The following MCRIP1 variants were observed in gnomAD, a reference collection of about 807,000 sequenced individuals.
The protein encoded by MCRIP1 is mapk-regulated corepressor-interacting protein 1.
Under a neutral mutation model 14.4 loss-of-function variants are expected in MCRIP1, and 10 were observed. The ratio of observed to expected loss-of-function variants is 0.70; its 90% CI spans 0.43 to 1.18. The LOEUF (loss-of-function observed/expected upper bound fraction) is 1.18. Among genes scored for constraint, MCRIP1 ranks in the 50% most tolerant of loss-of-function variants. The pLI is 0.00. For missense variants in MCRIP1, 119 were observed against 135.4 expected (o/e 0.88, Z 0.60); for synonymous variants, 53 against 55.7 (o/e 0.95, Z 0.21).
chr17:81,832,470 A>G (rs1598256977), intron 1 of MCRIP1, among the ~76,000 whole-genome samples: 1 of 150,262 alleles, frequency 6.7e-6, no homozygotes, highest in East Asian at 2.0e-4. Context: ...CCCACTTCCC[A>G]CCCTCTCTAC....
chr17:81,823,129 G>A lies in MCRIP1; in HGVS notation c.*118C>T, dbSNP rs915856044. ...CTCAGCCGTCAGTCACGCCAGTGCTGGGATCTGCAGCCCGCTGGAGCAAGG... is the reference window on the plus strand; with the variant it reads ...CTCAGCCGTCAGTCACGCCAGTGCTAGGATCTGCAGCCCGCTGGAGCAAGG... On this transcript the variant is annotated 3_prime_UTR_variant, in exon 5 of 5. Transcript: ENST00000455127. The surrounding 1 kb of genome is among the most constrained non-coding windows in gnomAD (Gnocchi z 6.0). 6 of 957,180 alleles carry A rather than the reference G, an allele frequency of 6.3e-6. No homozygotes were observed. Among genetic ancestry groups the A allele is most frequent in the South Asian group, 1.4e-5 (1 of 70,416 alleles). The allele number at this position is 957,180 out of a possible 1,614,324, so 59.3% of individuals were successfully genotyped here.
chr17:81,833,057 A>T (rs888757028), intron 1 of MCRIP1, among the ~76,000 whole-genome samples, 181 bp downstream of exon 1: 1 of 150,242 alleles, frequency 6.7e-6, no homozygotes, highest in African/African-American at 2.4e-5. Context: ...GCCCTCCTGC[A>T]GGTGCCGGGC....
chr17:81,829,498 C>T (rs1456355668), intron 1 of MCRIP1, among the ~76,000 whole-genome samples: 2 of 152,274 alleles, frequency 1.3e-5, no homozygotes, highest in African/African-American at 2.4e-5. Context: ...CTACACCACA[C>T]CCCACTGCCT....
At chr17:81,826,837 A>T (rs911745387) in intron 1 of MCRIP1, among the ~76,000 whole-genome samples, 2 of 137,622 alleles carry the variant, frequency 1.5e-5, no homozygotes, top group Admixed American at 7.2e-5. Flanking sequence ...AAAAAAAAAA[A>T]GGCCAGGCGT....
At chr17:81,824,716 A>G (rs1598249172) in intron 1 of MCRIP1, 162 bp from the exon 2 acceptor site, 1 of 1,450,018 alleles carries the variant, frequency 6.9e-7, no homozygotes, top group Non-Finnish European at 9.1e-7. Flanking sequence ...GTCCAGCCAC[A>G]GGCAGCCAGT....
chr17:81,830,594 G>A (rs981366412), intron 1 of MCRIP1, among the ~76,000 whole-genome samples: 1 of 152,064 alleles, frequency 6.6e-6, no homozygotes, highest in Non-Finnish European at 1.5e-5. Flanking sequence ...CCAAGATCAC[G>A]CCATTGCACT....
At chr17:81,831,173 C>CAAAAAAAAAAAA (rs552681742) in intron 1 of MCRIP1, among the ~76,000 whole-genome samples, 5 of 114,038 alleles carry the variant, frequency 4.4e-5, no homozygotes, top group African/African-American at 1.4e-4. Context: ...CTCTGTCTCT[C>CAAAAAAAAAAAA]AAAAAAAAAA....
chr17:81,823,519 G>A lies in MCRIP1; in HGVS notation c.128-6C>T, dbSNP rs1209636096. 1.4e-5 allele frequency: 21 copies of A among 1,535,660 alleles called. No homozygotes were observed. Among genetic ancestry groups the A allele is most frequent in the Non-Finnish European group, 1.7e-5 (20 of 1,146,600 alleles). On this transcript the variant is annotated splice_region_variant and splice_polypyrimidine_tract_variant and intron_variant, in intron 3 of 4. Transcript: ENST00000455127. The surrounding 1 kb of genome is among the most constrained non-coding windows in gnomAD (Gnocchi z 6.0). ...TCGCTCCACACCCTGCCAGGCTGCA[G>A]AGGCAGAGAGTGGTGTGCTCAGGGC... is the stretch of plus-strand genomic sequence containing the variant.
intron 1 of MCRIP1, chr17:81,826,393 A>C: frequency 6.5e-7 from 1 of 1,535,262 alleles, no homozygotes; most frequent in Middle Eastern, 1.7e-4. Context: ...GTGTGGCAGC[A>C]TGCACTTGTA....
At chr17:81,825,724 G>T in intron 1 of MCRIP1, 1 of 1,289,306 alleles carries the variant, frequency 7.8e-7, no homozygotes, top group Non-Finnish European at 1.0e-6. Flanking sequence ...CCAGGAGTGA[G>T]GTCCAAAAAG....
At chr17:81,830,363 G>A (rs532960511) in intron 1 of MCRIP1, among the ~76,000 whole-genome samples, 3 of 152,256 alleles carry the variant, frequency 2.0e-5, no homozygotes, top group African/African-American at 2.4e-5. Context: ...GGGGCCAGGC[G>A]TGGTGGCTCA....
intron 1 of MCRIP1, chr17:81,825,626 C>T (rs546633980): frequency 3.5e-5 from 45 of 1,289,384 alleles, no homozygotes; most frequent in South Asian, 3.1e-4. Context: ...TCAAACACCA[C>T]GTGATAAGAA....
chr17:81,825,392 C>A (rs890063698), intron 1 of MCRIP1: 3 of 1,186,280 alleles, frequency 2.5e-6, no homozygotes, highest in Non-Finnish European at 3.2e-6. Context: ...CAGGGCTGGT[C>A]TCCAGCCTGC....
chr17:81,829,913 C>T (rs1301424377), intron 1 of MCRIP1, among the ~76,000 whole-genome samples: 2 of 152,228 alleles, frequency 1.3e-5, no homozygotes, highest in Non-Finnish European at 2.9e-5. Context: ...TCACCCAGGC[C>T]CTCTGCTGCC....
chr17:81,825,123 T>C (rs2038362598), intron 1 of MCRIP1: 1 of 1,018,984 alleles, frequency 9.8e-7, no homozygotes, highest in South Asian at 3.8e-5. Flanking sequence ...CCCTAGAGCA[T>C]GAGCCACATC....
chr17:81,826,247 A>ACG, intron 1 of MCRIP1: 1 of 1,521,080 alleles, frequency 6.6e-7, no homozygotes, highest in South Asian at 1.2e-5. Context: ...ACACACACAC[A>ACG]CCTGCCCACA....
At chr17:81,826,773 G>C (rs185155836) in intron 1 of MCRIP1, 8 of 169,548 alleles carry the variant, frequency 4.7e-5, no homozygotes, top group Admixed American at 4.2e-4. Context: ...AGCCAAGATC[G>C]CGCCAACGCA....
intron 1 of MCRIP1, 133 bp downstream of exon 1, chr17:81,833,105 G>C (rs1598257500): frequency 2.0e-5 from 3 of 147,796 alleles, no homozygotes; most frequent in East Asian, 3.9e-4. Context: ...CCGGCTGCCC[G>C]GCCACTCCCC....
Position 81,827,947 on chromosome 17 carries a change from A to T in MCRIP1, c.-48-3393T>A, listed in dbSNP as rs150115491. On this transcript the variant is annotated intron_variant, in intron 1 of 4. Coordinates refer to ENST00000455127, the MANE Select transcript of MCRIP1 (RefSeq NM_207368.5). ...AGGCGCCCGCCACCACGCCCAGCTAATTTTTTCTATTTTTAGTGGAGATGG... is the reference window on the plus strand; with the variant it reads ...AGGCGCCCGCCACCACGCCCAGCTATTTTTTTCTATTTTTAGTGGAGATGG... Among the ~76,000 whole-genome samples, 101 of 151,164 alleles carry T rather than the reference A, an allele frequency of 6.7e-4. 2 individuals carry two copies. The East Asian group carries it at 0.018, about 27-fold the overall frequency.
Sources: gnomAD v4.1 joint callset for allele counts (sites outside exome capture counted in the v4.1 genomes callset) on GRCh38, gnomAD v4.1.1 for gene constraint, Gnocchi (gnomAD v3.1) non-coding constraint, MANE v1.5 for transcripts, NCBI Gene and HGNC (gene_info 2026-07-23, HGNC 2026-07-21) for gene names.